Variants in CNTN6 observed in about 807,000 individuals in gnomAD.
CNTN6 encodes contactin-6.
CNTN6 carries 137 observed loss-of-function variants against 122.8 expected under a neutral mutation model. The observed-to-expected ratio is 1.12, with a 90% CI of 0.97 to 1.29. The LOEUF is 1.29. Among genes scored for constraint, CNTN6 ranks in the 50% most tolerant of loss-of-function variants. The probability of loss-of-function intolerance (pLI) is 0.00; values close to 1 mark genes in which losing one functional copy is unlikely to be tolerated. For missense variants in CNTN6, 1,634 were observed against 1,223.4 expected (o/e 1.34, Z -5.01); for synonymous variants, 570 against 426.0 (o/e 1.34, Z -4.16).
intron 2 of CNTN6, among the ~76,000 whole-genome samples, chr3:1,208,672 C>T (rs17035484): frequency 0.16 from 25,031 of 152,006 alleles, 2,584 homozygotes; most frequent in African/African-American, 0.28. Context: ...AATTGAGCCT[C>T]ACCACCCTTT....
intron 2 of CNTN6, among the ~76,000 whole-genome samples, chr3:1,197,774 A>T (rs975900512): frequency 6.6e-6 from 1 of 152,176 alleles, no homozygotes; most frequent in African/African-American, 2.4e-5. Flanking sequence ...GGGACATCAA[A>T]AGGATTAAAT....
In CNTN6 at chr3:1,233,988, A is replaced by C. The variant is rs575850839; in HGVS notation, c.358+5995A>C. Among the ~76,000 whole-genome samples, 54 of 152,224 alleles carry C rather than the reference A, an allele frequency of 3.5e-4. 3 individuals are homozygous for C. In the East Asian group the frequency reaches 8.1e-3, roughly 23 times the overall value. On this transcript the variant is annotated intron_variant, in intron 4 of 22. Coordinates refer to ENST00000446702, the MANE Select transcript of CNTN6 (RefSeq NM_001289080.2). ...GCATTTTAAAGGGCTATAAACATGT[A>C]GGCATTTACAATCATCATAGTTTTT...
chr3:1,402,654 TATAAC>T (rs751296828), intron 22 of CNTN6, 168 bp downstream of exon 22: 4 of 543,002 alleles, frequency 7.4e-6, no homozygotes, highest in Non-Finnish European at 1.3e-5. Flanking sequence ...TCTCCAAAAT[TATAAC>T]ATACACTATA....
intron 11 of CNTN6, among the ~76,000 whole-genome samples, chr3:1,349,686 T>C (rs559188366): frequency 6.6e-6 from 1 of 152,034 alleles, no homozygotes; most frequent in Non-Finnish European, 1.5e-5. Context: ...AAATCATTTC[T>C]GCTAAGACGT....
intron 10 of CNTN6, among the ~76,000 whole-genome samples, chr3:1,329,535 C>G (rs1191695119): frequency 6.6e-6 from 1 of 151,774 alleles, no homozygotes; most frequent in East Asian, 1.9e-4. Context: ...TAATTCCCTG[C>G]AACTGTTACA....
At chr3:1,332,405 C>T (rs934203382) in intron 11 of CNTN6, among the ~76,000 whole-genome samples, 1 of 151,442 alleles carries the variant, frequency 6.6e-6, no homozygotes, top group Non-Finnish European at 1.5e-5. Flanking sequence ...CAGACTATTG[C>T]CTTTTTTATA....
chr3:1,304,719 C>T (rs893799720), intron 7 of CNTN6, among the ~76,000 whole-genome samples: 29 of 152,034 alleles, frequency 1.9e-4, no homozygotes, highest in African/African-American at 5.5e-4. Flanking sequence ...CTTGGCCGGG[C>T]GCAGTGGCTC....
rs573360906 is a variant in CNTN6 at position 1,122,409 on chromosome 3, C to G, written c.-82-25518C>G. 5.6e-4 allele frequency among the ~76,000 whole-genome samples: 73 copies of G among 129,720 alleles called. 2 individuals carry two copies. Among genetic ancestry groups the G allele is most frequent in the African/African-American group, 2.3e-3 (72 of 31,312 alleles). The allele number at this position is 129,720 out of a possible 152,430, so 85.1% of individuals were successfully genotyped here. On this transcript the variant is annotated intron_variant, in intron 1 of 22. Coordinates refer to ENST00000446702, the MANE Select transcript of CNTN6 (RefSeq NM_001289080.2). ...AATGAAGGAGGAAAGAAGGGGTTCTCAACCAGCGGTGATTTAAAAACACAG... is the reference window on the plus strand; with the variant it reads ...AATGAAGGAGGAAAGAAGGGGTTCTGAACCAGCGGTGATTTAAAAACACAG...
intron 20 of CNTN6, among the ~76,000 whole-genome samples, chr3:1,387,820 G>A (rs1203546789): frequency 6.6e-6 from 1 of 152,076 alleles, no homozygotes; most frequent in Admixed American, 6.5e-5. Context: ...TGGAAAATTG[G>A]GTCACTCCCA....
At chr3:1,207,962 C>T (rs1399670103) in intron 2 of CNTN6, among the ~76,000 whole-genome samples, 1 of 151,954 alleles carries the variant, frequency 6.6e-6, no homozygotes, top group Admixed American at 6.6e-5. Context: ...GCTGTCTTTG[C>T]CTCTTTCCTC....
chr3:1,322,917 C>A (rs1701060282), intron 8 of CNTN6, among the ~76,000 whole-genome samples: 1 of 151,440 alleles, frequency 6.6e-6, no homozygotes, highest in Non-Finnish European at 1.5e-5. Flanking sequence ...AAAGGAAAGT[C>A]TTTGGAATTT....
At chr3:1,143,292 C>T (rs1406367292) in intron 1 of CNTN6, among the ~76,000 whole-genome samples, 1 of 152,068 alleles carries the variant, frequency 6.6e-6, no homozygotes, top group Non-Finnish European at 1.5e-5. Context: ...TGAGCAATTT[C>T]ATGCAAGAAA....
intron 2 of CNTN6, among the ~76,000 whole-genome samples, chr3:1,216,714 C>T (rs997272698): frequency 6.6e-6 from 1 of 152,174 alleles, no homozygotes; most frequent in Non-Finnish European, 1.5e-5. Context: ...TCTATCTACA[C>T]TTCTAGGTCA....
chr3:1,158,891 C>CAT (rs1158443754), intron 2 of CNTN6, among the ~76,000 whole-genome samples: 16 of 74,388 alleles, frequency 2.2e-4, no homozygotes, highest in African/African-American at 8.2e-4. Flanking sequence ...TATATACACA[C>CAT]ATATATATAC....
intron 4 of CNTN6, among the ~76,000 whole-genome samples, chr3:1,262,618 TTGAAA>T (rs142898457): frequency 0.03 from 4,630 of 152,190 alleles, 227 homozygotes; most frequent in African/African-American, 0.11. Flanking sequence ...GTAGCAGAAA[TTGAAA>T]TGAACTAGAA....
chr3:1,245,238 ACAC>A (rs1329336967), intron 4 of CNTN6, among the ~76,000 whole-genome samples: 81 of 7,876 alleles, frequency 0.01, 10 homozygotes, highest in African/African-American at 0.035. Flanking sequence ...ATATATATAC[ACAC>A]ACACATATAT....
At chr3:1,367,370 G>A (rs1575890791) in intron 12 of CNTN6, among the ~76,000 whole-genome samples, 1 of 151,466 alleles carries the variant, frequency 6.6e-6, no homozygotes, top group African/African-American at 2.4e-5. Context: ...TCTCTACTAT[G>A]TAAGAATATA....
intron 4 of CNTN6, among the ~76,000 whole-genome samples, chr3:1,270,444 C>T (rs1366681424): frequency 6.6e-6 from 1 of 152,122 alleles, no homozygotes; most frequent in Non-Finnish European, 1.5e-5. Context: ...GAGACTTATG[C>T]AGATTTGGGG....
chr3:1,278,336 C>G, intron 4 of CNTN6, 77 bp from the exon 5 acceptor site: 1 of 1,047,842 alleles, frequency 9.5e-7, no homozygotes, highest in Non-Finnish European at 1.4e-6. Flanking sequence ...ATAATAAAAA[C>G]ATTCTTGAGA....
Sources: allele counts gnomAD v4.1 joint callset (sites outside exome capture counted in the v4.1 genomes callset), GRCh38; gene constraint gnomAD v4.1.1; transcripts MANE v1.5; gene names NCBI Gene and HGNC (gene_info 2026-07-23, HGNC 2026-07-21).